Variants in PRDM6 observed in about 807,000 individuals in gnomAD.
PRDM6 encodes the protein putative histone-lysine N-methyltransferase PRDM6.
A neutral mutation model predicts 60.8 loss-of-function variants in PRDM6; 25 were observed. That is an observed-to-expected ratio of 0.41 (90% CI 0.30 to 0.57). The LOEUF (loss-of-function observed/expected upper bound fraction) is 0.57, where lower values mean the gene tolerates loss of function less well. Ranked by LOEUF, PRDM6 falls within the 20% of genes least tolerant of loss-of-function variation. The probability of loss-of-function intolerance (pLI) is 0.27; values close to 1 mark genes in which losing one functional copy is unlikely to be tolerated. For missense variants in PRDM6, 839 were observed against 821.3 expected (o/e 1.02, Z -0.26); for synonymous variants, 407 against 357.4 (o/e 1.14, Z -1.57).
chr5:123,103,021 C>G (rs1764136684), intron 3 of PRDM6, among the ~76,000 whole-genome samples: 1 of 152,152 alleles, frequency 6.6e-6, no homozygotes, highest in Admixed American at 6.5e-5. Flanking sequence ...TAACATACAT[C>G]AGCCATGGAG....
chr5:123,094,179 C>G (rs1256564233), intron 2 of PRDM6, among the ~76,000 whole-genome samples: 1 of 152,070 alleles, frequency 6.6e-6, no homozygotes, highest in Non-Finnish European at 1.5e-5. Flanking sequence ...GCTAAGGGGT[C>G]AAGGAAAGAG....
intron 3 of PRDM6, among the ~76,000 whole-genome samples, chr5:123,129,772 T>C (rs1246745642): frequency 2.0e-5 from 3 of 152,222 alleles, no homozygotes; most frequent in Non-Finnish European, 4.4e-5. Flanking sequence ...TCATCATGTG[T>C]CTATAAATAT....
chr5:123,123,045 T>C (rs888122332), intron 3 of PRDM6, among the ~76,000 whole-genome samples: 1 of 152,194 alleles, frequency 6.6e-6, no homozygotes, highest in Non-Finnish European at 1.5e-5. Flanking sequence ...TTGGTATAAA[T>C]TTTTTATGTT....
At chr5:123,110,940 C>A (rs570086569) in intron 3 of PRDM6, among the ~76,000 whole-genome samples, 104 of 152,178 alleles carry the variant, frequency 6.8e-4, no homozygotes, top group African/African-American at 2.3e-3. Context: ...AGTCCCTGAG[C>A]CTCACATAAT....
Position 123,170,846 on chromosome 5 carries a change from C to G in PRDM6, c.1234C>G (p.Pro412Ala), listed in dbSNP as rs1351073047. ...CTTCAACAAAAGCAGCAAACTCGCCCCTACCACCCAGCAGCGCTCCGTTGT... is the reference window on the plus strand; with the variant it reads ...CTTCAACAAAAGCAGCAAACTCGCCGCTACCACCCAGCAGCGCTCCGTTGT... Reference protein sequence around the residue: ...QPFNKSSKLAPTTQQRSVVFP... With the variant: ...QPFNKSSKLAATTQQRSVVFP... Residue 412 changes from proline (P) to alanine (A), a missense_variant, in exon 6 of 8, where the codon CCT becomes GCT. Coordinates refer to ENST00000407847, the MANE Select transcript of PRDM6 (RefSeq NM_001136239.4). The G allele has an allele frequency of 6.4e-7, 1 of 1,552,088 alleles. No homozygotes were observed. Among genetic ancestry groups the G allele is most frequent in the Non-Finnish European group, 8.7e-7 (1 of 1,147,124 alleles).
At chr5:123,109,937 T>C (rs1764269676) in intron 3 of PRDM6, among the ~76,000 whole-genome samples, 1 of 152,228 alleles carries the variant, frequency 6.6e-6, no homozygotes, top group East Asian at 1.9e-4. Flanking sequence ...TATTGAATTC[T>C]GAATAGAAGA....
At chr5:123,160,722 T>G (rs928280648) in intron 5 of PRDM6, among the ~76,000 whole-genome samples, 1 of 152,218 alleles carries the variant, frequency 6.6e-6, no homozygotes, top group African/African-American at 2.4e-5. Flanking sequence ...CTATCAACTT[T>G]CCTTTTCTAT....
chr5:123,106,364 T>G (rs1202031058), intron 3 of PRDM6, among the ~76,000 whole-genome samples: 2 of 152,152 alleles, frequency 1.3e-5, no homozygotes. Flanking sequence ...ATCATCCATG[T>G]TGATGTGATG....
At chr5:123,186,885 C>T (rs534970321) in intron 7 of PRDM6, among the ~76,000 whole-genome samples, 1 of 152,364 alleles carries the variant, frequency 6.6e-6, no homozygotes, top group Admixed American at 6.5e-5. Flanking sequence ...TGCCTATTGA[C>T]AGATCCCTCT....
Position 123,099,036 on chromosome 5 carries a change from T to C in PRDM6, c.593-618T>C, listed in dbSNP as rs1580476310. Among the ~76,000 whole-genome samples the C allele has an allele frequency of 6.6e-6, 1 of 150,622 alleles. No homozygotes were observed. Among genetic ancestry groups the C allele is most frequent in the East Asian group, 2.0e-4 (1 of 5,070 alleles). ...GTCTCTGGGTCGAAGGAAGTGCGAATGGCACCCGCGATAGACTGGCCGTCT... is the reference window on the plus strand; with the variant it reads ...GTCTCTGGGTCGAAGGAAGTGCGAACGGCACCCGCGATAGACTGGCCGTCT... On this transcript the variant is annotated intron_variant, in intron 2 of 7. Transcript: ENST00000407847. The surrounding 1 kb of genome is among the most constrained non-coding windows in gnomAD (Gnocchi z 4.0).
intron 3 of PRDM6, among the ~76,000 whole-genome samples, chr5:123,126,390 GTT>G (rs1181800605): frequency 1.4e-5 from 2 of 143,794 alleles, no homozygotes; most frequent in Non-Finnish European, 1.5e-5. Context: ...TGCACCAAGT[GTT>G]TTTTTTTTTT....
intron 3 of PRDM6, among the ~76,000 whole-genome samples, chr5:123,102,845 A>C (rs546212288): frequency 6.6e-6 from 1 of 152,050 alleles, no homozygotes; most frequent in South Asian, 2.1e-4. Context: ...TTCCAAGTAG[A>C]TGATGGATTT....
chr5:123,089,927 G>A (rs947231422), intron 1 of PRDM6, 73 bp from the exon 2 acceptor site: 48 of 1,130,336 alleles, frequency 4.2e-5, no homozygotes, highest in Non-Finnish European at 5.6e-5. Flanking sequence ...CTTTCTCCAG[G>A]GTCCCAGTGG....
At chr5:123,160,398 G>A (rs112404034) in intron 5 of PRDM6, among the ~76,000 whole-genome samples, 26 of 152,336 alleles carry the variant, frequency 1.7e-4, no homozygotes, top group African/African-American at 5.3e-4. Flanking sequence ...ATGCTTCAGT[G>A]AGAAACACTG....
intron 5 of PRDM6, 66 bp from the exon 6 acceptor site, chr5:123,170,700 A>G (rs1248618769): frequency 1.4e-5 from 15 of 1,080,454 alleles, no homozygotes; most frequent in Admixed American, 1.1e-4. Flanking sequence ...TTTTAAAAGT[A>G]TGTGTTATTG....
intron 3 of PRDM6, among the ~76,000 whole-genome samples, chr5:123,143,249 A>G (rs1370045308): frequency 6.6e-6 from 1 of 151,844 alleles, no homozygotes; most frequent in Non-Finnish European, 1.5e-5. Context: ...CCAGAAGGTT[A>G]CTCATATGCA....
chr5:123,102,387 A>T lies in PRDM6; in HGVS notation c.900+2426A>T, dbSNP rs117103265. 2.5e-4 allele frequency among the ~76,000 whole-genome samples: 38 copies of T among 152,290 alleles called. 1 individual carries two copies. The East Asian group carries it at 6.9e-3, about 28-fold the overall frequency. On this transcript the variant is annotated intron_variant, in intron 3 of 7. Coordinates refer to ENST00000407847, the MANE Select transcript of PRDM6 (RefSeq NM_001136239.4). ...CCGTTTGAATTGTTACATTTATAAT[A>T]CAATATTCCAAATGTTAGATTGTTC...
At chr5:123,094,845 C>T (rs1763922844) in intron 2 of PRDM6, among the ~76,000 whole-genome samples, 1 of 152,146 alleles carries the variant, frequency 6.6e-6, no homozygotes, top group Non-Finnish European at 1.5e-5. Flanking sequence ...CAAACTGGCG[C>T]TCCCATTTAA....
chr5:123,176,470 G>A (rs1244187662), intron 6 of PRDM6, among the ~76,000 whole-genome samples: 1 of 152,154 alleles, frequency 6.6e-6, no homozygotes, highest in African/African-American at 2.4e-5. Context: ...CAGCACTTTG[G>A]GAGGCCAAGT....
Sources: gnomAD v4.1 joint callset for allele counts (sites outside exome capture counted in the v4.1 genomes callset) on GRCh38, gnomAD v4.1.1 for gene constraint, Gnocchi (gnomAD v3.1) non-coding constraint, MANE v1.5 for transcripts, NCBI Gene and HGNC (gene_info 2026-07-23, HGNC 2026-07-21) for gene names.